SH3BGR: variants seen among roughly 807,000 people sequenced by gnomAD.
SH3BGR encodes the protein SH3 domain-binding glutamic acid-rich protein.
A neutral mutation model predicts 24.5 loss-of-function variants in SH3BGR; 29 were observed. That is an observed-to-expected ratio of 1.18 (90% CI 0.88 to 1.61). SH3BGR has a LOEUF of 1.61. SH3BGR is among the 40% of genes most tolerant of loss of function. The probability of loss-of-function intolerance (pLI) is 0.00; values close to 1 mark genes in which losing one functional copy is unlikely to be tolerated. For missense variants in SH3BGR, 162 were observed against 205.8 expected, an observed-to-expected ratio of 0.79 and a Z score of 1.30; for synonymous variants, 55 against 65.7, an observed-to-expected ratio of 0.84 and a Z score of 0.79.
chr21:39,499,903 C>G lies in SH3BGR; in HGVS notation c.393C>G (p.Ala131=), dbSNP rs1310512134. The G allele has an allele frequency of 6.2e-7, 1 of 1,612,158 alleles. No individual in the cohort carries two copies. Among genetic ancestry groups the G allele is most frequent in the Non-Finnish European group, 8.5e-7 (1 of 1,178,496 alleles). The change falls in exon 4 of 7, where the codon GCC becomes GCG. Residue 131 remains alanine, a synonymous_variant. Transcript: ENST00000333634. ...GSEDVGNLPE[A]QEKNEEEGET... ...AAGATGTGGGCAACCTCCCTGAAGC[C>G]CAGGAGAAGAATGTGAGTTTTCGCT...
chr21:39,449,086 A>G (rs1337074396), upstream of SH3BGR, among the ~76,000 whole-genome samples: 1 of 152,220 alleles, frequency 6.6e-6, no homozygotes, highest in African/African-American at 2.4e-5. Flanking sequence ...ATCCCATTTT[A>G]ATGCTAGAAC....
intron 4 of SH3BGR, among the ~76,000 whole-genome samples, chr21:39,506,721 C>T (rs943632057): frequency 2.0e-5 from 3 of 152,126 alleles, no homozygotes; most frequent in East Asian, 1.9e-4. Context: ...ACCCTTGACA[C>T]GTGGTGATGA....
chr21:39,488,681 T>C, intron 3 of SH3BGR: 1 of 414,070 alleles, frequency 2.4e-6, no homozygotes. Context: ...ATCCGGCAAG[T>C]CCTTGTCATA....
intron 3 of SH3BGR, among the ~76,000 whole-genome samples, chr21:39,478,551 A>G (rs1441629286): frequency 1.3e-5 from 2 of 152,138 alleles, no homozygotes; most frequent in Non-Finnish European, 2.9e-5. Context: ...TTTAATTTGG[A>G]AGGTCATGTG....
intron 2 of SH3BGR, 33 bp downstream of exon 2, chr21:39,462,593 T>C: frequency 2.1e-6 from 3 of 1,435,022 alleles, no homozygotes; most frequent in Non-Finnish European, 2.8e-6. Context: ...AATCCTGCTG[T>C]GTGTGTGTTT....
chr21:39,453,431 T>G (rs962170208), intron 1 of SH3BGR, among the ~76,000 whole-genome samples: 3 of 152,054 alleles, frequency 2.0e-5, no homozygotes, highest in African/African-American at 4.8e-5. Context: ...GGGAAAATGG[T>G]TTTGGTGGGC....
rs181979633 is a variant in SH3BGR at position 39,515,084 on chromosome 21, T to G, written c.*35-4T>G. 45 of 469,996 alleles carry G rather than the reference T, an allele frequency of 9.6e-5. 1 individual carries two copies. The highest frequency in any genetic ancestry group is 6.6e-4 in the African/African-American group (33 of 50,210). 29.1% of individuals were successfully genotyped at this position (469,996 alleles called of 1,614,324 possible). A position where few individuals can be genotyped will look rare whatever the true frequency, so the allele number is the denominator to read the frequency against. The stretch of plus-strand genomic sequence containing the variant: ...CTTTCCCTAATATTTGCCTTTTCTT[T>G]TAGAAAATGGAAGCTATGAAGCAAC... On this transcript the variant is annotated splice_polypyrimidine_tract_variant and splice_region_variant and intron_variant, in intron 6 of 6. Transcript: ENST00000333634.
At chr21:39,480,268 C>A (rs2078109871) in intron 3 of SH3BGR, among the ~76,000 whole-genome samples, 1 of 152,190 alleles carries the variant, frequency 6.6e-6, no homozygotes, top group Non-Finnish European at 1.5e-5. Context: ...TAGAGTTGTG[C>A]AACCACCACC....
chr21:39,460,537 AG>A (rs2077737836), intron 1 of SH3BGR, among the ~76,000 whole-genome samples: 1 of 152,092 alleles, frequency 6.6e-6, no homozygotes, highest in Admixed American at 6.6e-5. Context: ...GCTGGAGTGC[AG>A]GGCTTACTGC....
chr21:39,482,569 A>G (rs1353841299), intron 3 of SH3BGR, among the ~76,000 whole-genome samples: 1 of 152,240 alleles, frequency 6.6e-6, no homozygotes, highest in Non-Finnish European at 1.5e-5. Context: ...TTAAGGGTGC[A>G]GTTTGATAAG....
At chr21:39,491,172 T>TTATG (rs2078292445) in intron 3 of SH3BGR, among the ~76,000 whole-genome samples, 1 of 151,610 alleles carries the variant, frequency 6.6e-6, no homozygotes, top group Non-Finnish European at 1.5e-5. Flanking sequence ...ATTTATTTAT[T>TTATG]TATTTATTTT....
intron 4 of SH3BGR, among the ~76,000 whole-genome samples, chr21:39,507,132 C>T (rs369894610): frequency 6.2e-4 from 95 of 152,268 alleles, no homozygotes; most frequent in African/African-American, 2.2e-3. Flanking sequence ...TGGCATTTAA[C>T]GTAAAGGTTA....
intron 3 of SH3BGR, among the ~76,000 whole-genome samples, chr21:39,495,482 C>CTTT (rs543877521): frequency 4.3e-5 from 6 of 140,174 alleles, no homozygotes; most frequent in Non-Finnish European, 6.3e-5. Context: ...GTAAAAGTCT[C>CTTT]TTTTTTTTTT....
chr21:39,466,442 T>C (rs181282211), intron 2 of SH3BGR, among the ~76,000 whole-genome samples: 7 of 152,350 alleles, frequency 4.6e-5, no homozygotes, highest in African/African-American at 1.4e-4. Context: ...TCTTTGCATA[T>C]GAAAGAAAGT....
Position 39,509,040 on chromosome 21 carries a change from A to C in SH3BGR, c.435+13A>C. 6.2e-7 allele frequency: 1 copy of C among 1,604,780 alleles called. No homozygotes were observed. On this transcript the variant is annotated intron_variant, in intron 5 of 6. Coordinates refer to ENST00000333634, the MANE Select transcript of SH3BGR (RefSeq NM_007341.3). Reference sequence around the variant, plus strand: ...AGCCACAGAAGAGGTACGGTCGACCATCTTTAACAGCTGTGCTTAATCTGC... The same window carrying C: ...AGCCACAGAAGAGGTACGGTCGACCCTCTTTAACAGCTGTGCTTAATCTGC...
intron 1 of SH3BGR, among the ~76,000 whole-genome samples, chr21:39,458,194 A>G (rs1162207588): frequency 1.7e-5 from 2 of 117,464 alleles, no homozygotes; most frequent in African/African-American, 5.8e-5. Flanking sequence ...GAAAATGACA[A>G]GGGGCTCTTG....
chr21:39,476,290 G>A (rs748347266), intron 3 of SH3BGR, among the ~76,000 whole-genome samples: 4 of 152,110 alleles, frequency 2.6e-5, no homozygotes, highest in African/African-American at 7.2e-5. Flanking sequence ...TGACAAATGC[G>A]GCTGAGAGAT....
At chr21:39,486,845 A>AATCCT (rs1244116588) in intron 3 of SH3BGR, among the ~76,000 whole-genome samples, 1 of 152,012 alleles carries the variant, frequency 6.6e-6, no homozygotes, top group East Asian at 1.9e-4. Flanking sequence ...CCTCCCAAGT[A>AATCCT]GCTGGGATTA....
chr21:39,500,597 AG>A (rs560622110), intron 4 of SH3BGR, among the ~76,000 whole-genome samples: 25 of 152,260 alleles, frequency 1.6e-4, no homozygotes, highest in African/African-American at 5.8e-4. Flanking sequence ...GCGCCAAGGA[AG>A]GAGCCTGGTG....
Sources: gnomAD v4.1 joint callset for allele counts (sites outside exome capture counted in the v4.1 genomes callset) on GRCh38, gnomAD v4.1.1 for gene constraint, MANE v1.5 for transcripts, NCBI Gene and HGNC (gene_info 2026-07-23, HGNC 2026-07-21) for gene names.